ASTN2: variants seen among roughly 807,000 people sequenced by gnomAD.
The protein encoded by ASTN2 is astrotactin 2, also known as astrotactin-2.
ASTN2 carries 54 observed loss-of-function variants against 139.8 expected under a neutral mutation model. That is an observed-to-expected ratio of 0.39 (90% CI 0.31 to 0.48). ASTN2 has a LOEUF of 0.48. Among genes scored for constraint, ASTN2 ranks in the 20% least tolerant of loss-of-function variants. The probability of loss-of-function intolerance (pLI) is 0.95; values close to 1 mark genes in which losing one functional copy is unlikely to be tolerated. For synonymous variants in ASTN2, 756 were observed against 719.5 expected (o/e 1.05, Z -0.81); for missense variants, 1,565 against 1,725.1 (o/e 0.91, Z 1.64).
chr9:117,159,000 TCA>T (rs1830489158), intron 3 of ASTN2, among the ~76,000 whole-genome samples: 1 of 151,986 alleles, frequency 6.6e-6, no homozygotes, highest in South Asian at 2.1e-4. Flanking sequence ...CTCTCTCCAG[TCA>T]CAGTCCTCAT....
At chr9:116,921,332 T>C (rs1256840300) in intron 10 of ASTN2, among the ~76,000 whole-genome samples, 4 of 152,176 alleles carry the variant, frequency 2.6e-5, no homozygotes, top group Non-Finnish European at 5.9e-5. Flanking sequence ...CTCACGCCTG[T>C]AATTCCAGCA....
intron 7 of ASTN2, among the ~76,000 whole-genome samples, chr9:117,005,860 A>G (rs1418606465): frequency 6.6e-6 from 1 of 151,764 alleles, no homozygotes; most frequent in Non-Finnish European, 1.5e-5. Flanking sequence ...TTAATCCTTG[A>G]ACTTGTTTCC....
At chr9:116,870,043 T>C (rs972015413) in intron 10 of ASTN2, among the ~76,000 whole-genome samples, 17 of 151,672 alleles carry the variant, frequency 1.1e-4, no homozygotes, top group Non-Finnish European at 1.9e-4. Flanking sequence ...CCTGGCAAGT[T>C]TGGGGAGGTG....
intron 19 of ASTN2, among the ~76,000 whole-genome samples, chr9:116,565,381 CTCTCTCCATATATATATATATATATA>C (rs1369775059): frequency 1.7e-4 from 6 of 34,718 alleles, no homozygotes; most frequent in South Asian, 9.6e-4. Context: ...CTCTCTCTCT[CTCTCTCCATATATATATATATATATA>C]TATATATATA....
chr9:117,406,743 C>G (rs1831000813), intron 1 of ASTN2, among the ~76,000 whole-genome samples: 3 of 152,042 alleles, frequency 2.0e-5, no homozygotes. Context: ...GTCTCCTTAT[C>G]TCAGAACTCT....
At chr9:117,105,321 C>A (rs138814910) in intron 4 of ASTN2, among the ~76,000 whole-genome samples, 5 of 152,070 alleles carry the variant, frequency 3.3e-5, no homozygotes, top group Non-Finnish European at 7.4e-5. Flanking sequence ...AAAACTGCCA[C>A]GGTGCTGTGA....
chr9:116,962,670 C>T (rs1049494771), intron 10 of ASTN2, among the ~76,000 whole-genome samples: 1 of 152,084 alleles, frequency 6.6e-6, no homozygotes, highest in African/African-American at 2.4e-5. Flanking sequence ...TTTCTCAAAC[C>T]TTTTAAATTA....
intron 16 of ASTN2, among the ~76,000 whole-genome samples, chr9:116,682,997 G>A (rs1859980701): frequency 6.7e-6 from 1 of 149,370 alleles, no homozygotes; most frequent in Admixed American, 6.7e-5. Context: ...TGCACATTGT[G>A]CACATGTACC....
chr9:116,844,641 C>T (rs1832373117), intron 11 of ASTN2, among the ~76,000 whole-genome samples: 1 of 151,288 alleles, frequency 6.6e-6, no homozygotes, highest in Non-Finnish European at 1.5e-5. Flanking sequence ...ATGTCCCTAA[C>T]ATAGTATCTA....
chr9:116,879,435 G>A (rs536385898), intron 10 of ASTN2, among the ~76,000 whole-genome samples: 3 of 152,234 alleles, frequency 2.0e-5, no homozygotes, highest in East Asian at 1.9e-4. Context: ...GTGTTATTAT[G>A]AGGAAGCAGC....
intron 1 of ASTN2, among the ~76,000 whole-genome samples, chr9:117,336,211 G>A (rs1828879357): frequency 6.6e-6 from 1 of 152,138 alleles, no homozygotes; most frequent in Admixed American, 6.5e-5. Flanking sequence ...GTGAGTGTAT[G>A]TATGAGCACA....
chr9:116,876,648 T>G (rs1833308004), intron 10 of ASTN2, among the ~76,000 whole-genome samples: 1 of 152,214 alleles, frequency 6.6e-6, no homozygotes, highest in Admixed American at 6.5e-5. Context: ...ACTACCACCC[T>G]GATCAGTGAG....
intron 4 of ASTN2, among the ~76,000 whole-genome samples, chr9:117,099,268 C>T (rs1251017906): frequency 6.6e-6 from 1 of 152,216 alleles, no homozygotes; most frequent in Non-Finnish European, 1.5e-5. Flanking sequence ...AAAGGAGGGT[C>T]TATCCCTGTT....
chr9:117,134,030 G>T (rs1163545908), intron 4 of ASTN2, among the ~76,000 whole-genome samples: 4 of 151,786 alleles, frequency 2.6e-5, no homozygotes. Context: ...TGTCAAAAGG[G>T]GCGGTAAACC....
chr9:116,508,677 G>A (rs139043423), intron 19 of ASTN2, among the ~76,000 whole-genome samples: 17 of 152,300 alleles, frequency 1.1e-4, no homozygotes, highest in Non-Finnish European at 2.2e-4. Context: ...TTGGGTATCA[G>A]AGAGGGGAGG....
At chr9:116,805,896 C>T in intron 12 of ASTN2, 76 bp from the exon 13 acceptor site, 2 of 1,441,056 alleles carry the variant, frequency 1.4e-6, no homozygotes, top group Non-Finnish European at 9.5e-7. Context: ...AAACCAAGGC[C>T]TCCTTTCCCT....
intron 3 of ASTN2, among the ~76,000 whole-genome samples, chr9:117,172,574 G>A (rs1830820186): frequency 6.6e-6 from 1 of 152,114 alleles, no homozygotes; most frequent in South Asian, 2.1e-4. Context: ...ATATAGAGAG[G>A]AAAGTCCCCA....
intron 10 of ASTN2, among the ~76,000 whole-genome samples, chr9:116,901,823 T>A (rs1216542395): frequency 6.6e-6 from 1 of 152,122 alleles, no homozygotes; most frequent in African/African-American, 2.4e-5. Flanking sequence ...AGGTCAGGAG[T>A]TCCAGGCCAG....
In ASTN2 at chr9:116,691,927, A is replaced by G. The variant is rs1304459711; in HGVS notation, c.2806+33844T>C. ...AGTCAAACCAGGGGAGCGTGTCAAT[A>G]GTAGGATGGACCTTTATGTCTTGTG... On this transcript the variant is annotated intron_variant, in intron 16 of 22. Transcript: ENST00000313400. Among the ~76,000 whole-genome samples the G allele has an allele frequency of 2.0e-5, 3 of 152,244 alleles. No homozygotes were observed. In the South Asian group the frequency reaches 6.2e-4, roughly 31 times the overall value.
Sources: allele counts gnomAD v4.1 joint callset (sites outside exome capture counted in the v4.1 genomes callset), GRCh38; gene constraint gnomAD v4.1.1; transcripts MANE v1.5; gene names NCBI Gene and HGNC (gene_info 2026-07-23, HGNC 2026-07-21).